Variants in ADGRL3 observed in about 807,000 individuals in gnomAD.
ADGRL3 encodes calcium-independent alpha-latrotoxin receptor 3.
In ADGRL3, 62 loss-of-function variants were observed where a neutral mutation model predicts 153.5. The ratio of observed to expected loss-of-function variants is 0.40; its 90% CI spans 0.33 to 0.50. The LOEUF (loss-of-function observed/expected upper bound fraction) is 0.50, where lower values mean the gene tolerates loss of function less well. Ranked by LOEUF, ADGRL3 falls within the 20% of genes least tolerant of loss-of-function variation. ADGRL3 has a pLI of 0.47. For missense variants in ADGRL3, 1,641 were observed against 1,859.4 expected, an observed-to-expected ratio of 0.88 and a Z score of 2.16; for synonymous variants, 710 against 672.5, an observed-to-expected ratio of 1.06 and a Z score of -0.86.
chr4:61,855,090 A>T (rs2098248071), intron 9 of ADGRL3, among the ~76,000 whole-genome samples: 2 of 152,208 alleles, frequency 1.3e-5, no homozygotes, highest in South Asian at 4.1e-4. Flanking sequence ...CAAAAAAAAG[A>T]CATGAGGAAA....
At chr4:61,455,027 A>G (rs2097718348) in intron 2 of ADGRL3, among the ~76,000 whole-genome samples, 1 of 152,116 alleles carries the variant, frequency 6.6e-6, no homozygotes, top group Non-Finnish European at 1.5e-5. Context: ...AGAGCAAAGC[A>G]AAAAAACAAA....
chr4:61,820,892 C>G (rs1236669450), intron 9 of ADGRL3, among the ~76,000 whole-genome samples: 1 of 152,124 alleles, frequency 6.6e-6, no homozygotes, highest in African/African-American at 2.4e-5. Flanking sequence ...ATGCCCTACC[C>G]TAGAATCAAA....
intron 21 of ADGRL3, among the ~76,000 whole-genome samples, chr4:62,007,706 A>G (rs1354291298): frequency 2.0e-5 from 3 of 151,688 alleles, no homozygotes; most frequent in African/African-American, 4.8e-5. Context: ...TGCCCCACAC[A>G]TTCAAGCTCT....
Position 61,564,076 on chromosome 4 carries a change from G to T in ADGRL3, c.260-23151G>T, listed in dbSNP as rs1338450067. The stretch of plus-strand genomic sequence containing the variant: ...TCTGCTAGCTTCTAACTTTTCTTCT[G>T]CAGCTTCCTCACCTCTCTCAGCCTT... On this transcript the variant is annotated intron_variant, in intron 4 of 26. Coordinates refer to ENST00000683033, the MANE Select transcript of ADGRL3 (RefSeq NM_001387552.1). 3.3e-5 allele frequency among the ~76,000 whole-genome samples: 5 copies of T among 152,052 alleles called. No homozygotes were observed. In the East Asian group the frequency reaches 7.7e-4, roughly 23 times the overall value.
intron 1 of ADGRL3, among the ~76,000 whole-genome samples, chr4:61,246,991 T>C (rs933711674): frequency 1.3e-5 from 2 of 152,058 alleles, no homozygotes; most frequent in African/African-American, 2.4e-5. Flanking sequence ...CTACCACTTA[T>C]GGATTATCTT....
chr4:61,460,740 G>A (rs1383495995), intron 2 of ADGRL3, among the ~76,000 whole-genome samples: 1 of 152,130 alleles, frequency 6.6e-6, no homozygotes. Flanking sequence ...CAGCAGGCAA[G>A]AGAGAAGCCA....
At chr4:61,367,288 C>G (rs1179215629) in intron 1 of ADGRL3, among the ~76,000 whole-genome samples, 3 of 150,764 alleles carry the variant, frequency 2.0e-5, no homozygotes, top group Admixed American at 2.0e-4. Context: ...GCACATTGTG[C>G]AGGTTAGTTA....
chr4:61,703,563 T>C (rs2095804561), intron 6 of ADGRL3, among the ~76,000 whole-genome samples: 1 of 152,074 alleles, frequency 6.6e-6, no homozygotes, highest in African/African-American at 2.4e-5. Flanking sequence ...AATTTTTTGA[T>C]TTTAGAGTTA....
At chr4:61,522,103 G>C (rs1013243328) in intron 4 of ADGRL3, among the ~76,000 whole-genome samples, 29 of 152,110 alleles carry the variant, frequency 1.9e-4, no homozygotes, top group African/African-American at 6.8e-4. Context: ...ATATAGTGGA[G>C]CCAAGATTGG....
chr4:61,692,604 T>C (rs1418162827), intron 6 of ADGRL3, among the ~76,000 whole-genome samples: 1 of 151,848 alleles, frequency 6.6e-6, no homozygotes, highest in Non-Finnish European at 1.5e-5. Flanking sequence ...CCCCCATGCC[T>C]GGCTAATTTT....
intron 8 of ADGRL3, among the ~76,000 whole-genome samples, chr4:61,777,097 G>T (rs558841511): frequency 6.6e-6 from 1 of 152,158 alleles, no homozygotes; most frequent in African/African-American, 2.4e-5. Context: ...CACTTTGGGA[G>T]GCCGAGGTGG....
At chr4:61,776,483 T>C (rs979578461) in intron 8 of ADGRL3, among the ~76,000 whole-genome samples, 1 of 152,188 alleles carries the variant, frequency 6.6e-6, no homozygotes, top group Non-Finnish European at 1.5e-5. Context: ...GTAAATTATA[T>C]GTTGGGGTCA....
intron 11 of ADGRL3, among the ~76,000 whole-genome samples, chr4:61,897,121 T>A (rs182966630): frequency 6.6e-6 from 1 of 152,312 alleles, no homozygotes; most frequent in East Asian, 1.9e-4. Flanking sequence ...AAAAGATAAT[T>A]CCTTTCAAAG....
intron 1 of ADGRL3, among the ~76,000 whole-genome samples, chr4:61,291,212 A>ACACACT (rs377654453): frequency 4.0e-5 from 1 of 24,878 alleles, no homozygotes. Flanking sequence ...ACACACACAC[A>ACACACT]CACACGCACA....
At chr4:61,978,251 C>T (rs566221736) in intron 17 of ADGRL3, among the ~76,000 whole-genome samples, 26 of 152,084 alleles carry the variant, frequency 1.7e-4, no homozygotes, top group African/African-American at 6.3e-4. Context: ...TGCATACATC[C>T]ATAAAAATCA....
At chr4:61,771,149 T>G (rs2097081193) in intron 8 of ADGRL3, among the ~76,000 whole-genome samples, 1 of 152,114 alleles carries the variant, frequency 6.6e-6, no homozygotes. Flanking sequence ...TTAGACTGAG[T>G]CCCTCCATAT....
intron 2 of ADGRL3, among the ~76,000 whole-genome samples, chr4:61,476,638 G>A (rs2098059355): frequency 1.4e-5 from 2 of 142,870 alleles, no homozygotes; most frequent in African/African-American, 2.5e-5. Context: ...GAACCTGGGA[G>A]GTGGAGGTTG....
chr4:61,542,791 AT>A (rs2098696251), intron 4 of ADGRL3, among the ~76,000 whole-genome samples: 1 of 152,070 alleles, frequency 6.6e-6, no homozygotes, highest in Non-Finnish European at 1.5e-5. Context: ...CTTTCTTACC[AT>A]TCCTTCACCT....
intron 2 of ADGRL3, among the ~76,000 whole-genome samples, chr4:61,435,557 T>C (rs1457253322): frequency 6.6e-6 from 1 of 152,144 alleles, no homozygotes; most frequent in Non-Finnish European, 1.5e-5. Context: ...ACTCAGCAGG[T>C]CAATTTGTCT....
Sources: allele counts gnomAD v4.1 joint callset (sites outside exome capture counted in the v4.1 genomes callset), GRCh38; gene constraint gnomAD v4.1.1; transcripts MANE v1.5; gene names NCBI Gene and HGNC (gene_info 2026-07-23, HGNC 2026-07-21).